The following EHMT1 variants were observed in gnomAD, a reference collection of about 807,000 sequenced individuals.
EHMT1 encodes histone-lysine N-methyltransferase EHMT1.
EHMT1 carries 15 observed loss-of-function variants against 147.2 expected under a neutral mutation model. The observed-to-expected ratio is 0.10, with a 90% confidence interval of 0.07 to 0.16. The LOEUF (loss-of-function observed/expected upper bound fraction) is 0.16, where lower values mean the gene tolerates loss of function less well. EHMT1 is among the 10% of genes least tolerant of loss of function. EHMT1 has a pLI of 1.00. For synonymous variants in EHMT1, 795 were observed against 709.6 expected (o/e 1.12, Z -1.91); for missense variants, 1,587 against 1,772.4 (o/e 0.90, Z 1.88).
In EHMT1 at chr9:137,661,486, C is replaced by CTT. The variant is rs1195276514; in HGVS notation, c.21+42454_21+42455dup. Among the ~76,000 whole-genome samples the CTT allele has an allele frequency of 2.1e-3, 276 of 133,898 alleles. 2 individuals are homozygous for CTT. The highest frequency in any genetic ancestry group is 6.9e-3 in the African/African-American group (247 of 35,998). The allele number at this position is 133,898 out of a possible 152,430, so 87.8% of individuals were successfully genotyped here. The stretch of plus-strand genomic sequence containing the variant: ...TTTACCCCAGGTAGTTTTTGTACAT[C>CTT]TTTTTTTTTTTTTTTTTTGAGATGG... On this transcript the variant is annotated intron_variant, in intron 1 of 26. Transcript: ENST00000460843.
rs552400815 is a variant in EHMT1, at chr9:137,779,554, T to A, written c.2193-81T>A. The A allele has an allele frequency of 2.1e-5, 31 of 1,464,244 alleles. No homozygotes were observed. The South Asian group carries it at 3.4e-4, about 16-fold the overall frequency. 90.7% of individuals were successfully genotyped at this position (1,464,244 alleles called of 1,614,324 possible). Reference sequence around the variant, plus strand: ...TGAGCTTGAGGGGCTGGTGGGGAGATGTCCGCCGGGCCTTCCAGCCTTCAG... The same window carrying A: ...TGAGCTTGAGGGGCTGGTGGGGAGAAGTCCGCCGGGCCTTCCAGCCTTCAG... On this transcript the variant is annotated intron_variant, in intron 13 of 26. Coordinates refer to ENST00000460843, the MANE Select transcript of EHMT1 (RefSeq NM_024757.5).
intron 1 of EHMT1, among the ~76,000 whole-genome samples, chr9:137,710,105 T>C (rs1564617301): frequency 1.3e-5 from 2 of 151,844 alleles, no homozygotes; most frequent in East Asian, 3.9e-4. Context: ...TATGTGTTTA[T>C]GTTCACTTCT....
At chr9:137,799,425 C>T (rs951361638) in intron 17 of EHMT1, among the ~76,000 whole-genome samples, 16 of 152,168 alleles carry the variant, frequency 1.1e-4, no homozygotes, top group Admixed American at 7.9e-4. Context: ...CCACAGCCAG[C>T]GCCACGGGGC....
At chr9:137,805,896 C>T (rs891318398) in intron 18 of EHMT1, among the ~76,000 whole-genome samples, 2 of 150,586 alleles carry the variant, frequency 1.3e-5, no homozygotes, top group Non-Finnish European at 2.9e-5. Context: ...CTCCTGACCT[C>T]GTGATCCACT....
At chr9:137,710,192 C>T (rs1300431417) in intron 1 of EHMT1, among the ~76,000 whole-genome samples, 5 of 152,144 alleles carry the variant, frequency 3.3e-5, no homozygotes, top group African/African-American at 9.7e-5. Flanking sequence ...CAAGTGCCAC[C>T]CAAGTGCAGT....
chr9:137,719,853 G>A (rs1174056037), intron 3 of EHMT1, among the ~76,000 whole-genome samples: 10 of 130,844 alleles, frequency 7.6e-5, no homozygotes, highest in African/African-American at 2.7e-4. Flanking sequence ...ATGAGGTGCC[G>A]AACCCCCTCC....
Position 137,787,227 on chromosome 9 carries a change from T to C in EHMT1, c.2383-3621T>C, listed in dbSNP as rs1474113054. On this transcript the variant is annotated intron_variant, in intron 15 of 26. Coordinates refer to ENST00000460843, the MANE Select transcript of EHMT1 (RefSeq NM_024757.5). This position sits in a 1 kb window ranked among gnomAD's most constrained non-coding sequence, Gnocchi z 4.2. ...CATCTCTCATTAAAAAAAAATGTTG[T>C]AAATTCCTTTACTGTTATCTCCCCC... 6.6e-6 allele frequency: 1 copy of C among 152,432 alleles called. No homozygotes were observed. Among genetic ancestry groups the C allele is most frequent in the Non-Finnish European group, 1.5e-5 (1 of 68,232 alleles). 9.4% of individuals were successfully genotyped at this position (152,432 alleles called of 1,614,324 possible).
chr9:137,830,412 A>G (rs1360699189), intron 25 of EHMT1, among the ~76,000 whole-genome samples: 1 of 152,240 alleles, frequency 6.6e-6, no homozygotes, highest in Non-Finnish European at 1.5e-5. Flanking sequence ...TTTTCAGAGG[A>G]CAGAGTTATG....
chr9:137,717,045 C>T lies in EHMT1; in HGVS notation c.505C>T (p.Pro169Ser), dbSNP rs770718072. Residue 169 changes from proline (P) to serine (S), a missense_variant, in exon 3 of 27, where the codon CCC becomes TCC. Coordinates refer to ENST00000460843, the MANE Select transcript of EHMT1 (RefSeq NM_024757.5). ...AGKGRTPSAF[P>S]QTPAAPPATL... The stretch of plus-strand genomic sequence containing the variant: ...CAAAGGCAGGACTCCAAGCGCTTTT[C>T]CCCAGACGCCAGCCGCCCCACCAGC... The T allele has an allele frequency of 8.1e-6, 13 of 1,606,852 alleles. No individual in the cohort carries two copies. The highest frequency in any genetic ancestry group is 1.3e-5 in the African/African-American group (1 of 74,662).
chr9:137,752,190 GC>G, intron 6 of EHMT1, 140 bp from the exon 7 acceptor site: 1 of 997,842 alleles, frequency 1.0e-6, no homozygotes, highest in Non-Finnish European at 1.5e-6. Flanking sequence ...GGCCGGCGGC[GC>G]CCCCGCCCCG....
chr9:137,641,272 T>A (rs1844464884), intron 1 of EHMT1: 17 of 437,700 alleles, frequency 3.9e-5, no homozygotes, highest in Middle Eastern at 8.7e-4. Flanking sequence ...CTTTCCAGAT[T>A]TCCATTTGAT....
intron 25 of EHMT1, among the ~76,000 whole-genome samples, chr9:137,824,603 C>T (rs1204008242): frequency 6.6e-6 from 1 of 152,174 alleles, no homozygotes; most frequent in East Asian, 1.9e-4. Context: ...CGCATTGAGC[C>T]TTCTGACCCT....
Position 137,710,985 on chromosome 9 carries a change from G to C in EHMT1, c.40G>C (p.Glu14Gln), listed in dbSNP as rs751473920. 28 of 1,598,856 alleles carry C rather than the reference G, an allele frequency of 1.8e-5. No homozygotes were observed. Among genetic ancestry groups the C allele is most frequent in the African/African-American group, 1.3e-5 (1 of 74,696 alleles). ...ADAEAVPARGEPQQDCCVKTE... is the reference protein window; with the variant it reads ...ADAEAVPARGQPQQDCCVKTE... ...CTAACAGGCAGTTCCGGCGAGGGGG[G>C]AGCCTCAGCAGGATTGCTGTGTGAA... Residue 14 changes from glutamate to glutamine, a missense_variant, in exon 2 of 27, where the codon GAG (glutamate) becomes CAG (glutamine). Transcript: ENST00000460843.
intron 18 of EHMT1, among the ~76,000 whole-genome samples, chr9:137,804,575 A>T (rs559963571): frequency 6.6e-6 from 1 of 152,328 alleles, no homozygotes; most frequent in African/African-American, 2.4e-5. Flanking sequence ...GTTTTTATAA[A>T]GTTTGGTTTA....
At chr9:137,757,327 G>A (rs1487962651) in intron 8 of EHMT1, among the ~76,000 whole-genome samples, 1 of 152,214 alleles carries the variant, frequency 6.6e-6, no homozygotes, top group Non-Finnish European at 1.5e-5. Context: ...AGCCTCCCGT[G>A]TTTACTGGAG....
chr9:137,683,178 G>A (rs1222399527), intron 1 of EHMT1, among the ~76,000 whole-genome samples: 1 of 152,190 alleles, frequency 6.6e-6, no homozygotes, highest in Admixed American at 6.5e-5. Flanking sequence ...CAGTAAAGCT[G>A]CTACTATGGG....
chr9:137,757,764 A>G (rs914886414), intron 8 of EHMT1, 116 bp from the exon 9 acceptor site: 5 of 1,489,548 alleles, frequency 3.4e-6, no homozygotes, highest in South Asian at 1.1e-5. Context: ...GTGGTTTTGA[A>G]TGGATTAATT....
chr9:137,650,249 G>A (rs981232461), intron 1 of EHMT1, among the ~76,000 whole-genome samples: 10 of 151,934 alleles, frequency 6.6e-5, no homozygotes, highest in Admixed American at 2.0e-4. Context: ...CACAGGTGTG[G>A]GCCACAATGC....
At chr9:137,817,928 T>C (rs1955057569) in intron 24 of EHMT1, 132 bp from the exon 25 acceptor site, 1 of 892,938 alleles carries the variant, frequency 1.1e-6, no homozygotes, top group South Asian at 1.3e-5. Flanking sequence ...GGCACACCTC[T>C]CTAAACATGT....
Sources: allele counts gnomAD v4.1 joint callset (sites outside exome capture counted in the v4.1 genomes callset), GRCh38; gene constraint gnomAD v4.1.1; non-coding constraint Gnocchi (gnomAD v3.1); transcripts MANE v1.5; gene names NCBI Gene and HGNC (gene_info 2026-07-23, HGNC 2026-07-21).